Variants in NRXN1 observed in about 807,000 individuals in gnomAD.
The protein encoded by NRXN1 is neurexin-1.
A neutral mutation model predicts 150.9 loss-of-function variants in NRXN1; 39 were observed. That is an observed-to-expected ratio of 0.26 (90% CI 0.20 to 0.34). The LOEUF (loss-of-function observed/expected upper bound fraction) is 0.34, where lower values mean the gene tolerates loss of function less well. Ranked by LOEUF, NRXN1 falls within the 10% of genes least tolerant of loss-of-function variation. The pLI is 1.00. For missense variants in NRXN1, 1,815 were observed against 1,949.9 expected (o/e 0.93, Z 1.30); for synonymous variants, 924 against 757.0 (o/e 1.22, Z -3.62).
chr2:51,022,313 A>G (rs1163512250), intron 2 of NRXN1, among the ~76,000 whole-genome samples: 1 of 152,072 alleles, frequency 6.6e-6, no homozygotes, highest in Non-Finnish European at 1.5e-5. Flanking sequence ...TCTCATCCCA[A>G]TTTCACAGAT....
chr2:50,182,647 A>AGG, intron 18 of NRXN1, among the ~76,000 whole-genome samples: 1 of 152,162 alleles, frequency 6.6e-6, no homozygotes, highest in Admixed American at 6.6e-5. Flanking sequence ...AAACCTGCTC[A>AGG]TTCCTTCTTC....
chr2:50,888,129 A>G (rs1294858007), intron 5 of NRXN1, among the ~76,000 whole-genome samples: 4 of 151,604 alleles, frequency 2.6e-5, no homozygotes, highest in East Asian at 1.9e-4. Context: ...GAAATGACAG[A>G]CAATTCTTAA....
chr2:50,480,010 A>G (rs2090340054), intron 15 of NRXN1, among the ~76,000 whole-genome samples: 2 of 151,826 alleles, frequency 1.3e-5, no homozygotes, highest in African/African-American at 4.8e-5. Flanking sequence ...CTGACCTCAG[A>G]TATCCGCCCG....
chr2:50,726,642 C>T (rs1697394113), intron 5 of NRXN1, among the ~76,000 whole-genome samples: 1 of 151,926 alleles, frequency 6.6e-6, no homozygotes, highest in Non-Finnish European at 1.5e-5. Flanking sequence ...ACAATTTGCC[C>T]AACGTTACAA....
intron 18 of NRXN1, among the ~76,000 whole-genome samples, chr2:50,155,760 G>A (rs972329916): frequency 3.3e-5 from 5 of 151,486 alleles, no homozygotes; most frequent in African/African-American, 1.2e-4. Flanking sequence ...AGTAAGAGAT[G>A]CATAAAATAA....
chr2:50,904,122 T>C (rs911334208), intron 5 of NRXN1, among the ~76,000 whole-genome samples: 8 of 152,142 alleles, frequency 5.3e-5, no homozygotes, highest in African/African-American at 1.9e-4. Context: ...CAGTAAGGCA[T>C]GACCTGAAAT....
At chr2:50,239,695 T>TATTTATGACAGAA in intron 17 of NRXN1, among the ~76,000 whole-genome samples, 1 of 113,576 alleles carries the variant, frequency 8.8e-6, no homozygotes, top group African/African-American at 3.8e-5. Flanking sequence ...TATATATATA[T>TATTTATGACAGAA]ATATATATAT....
At chr2:50,064,559 C>A (rs922215363) in intron 19 of NRXN1, among the ~76,000 whole-genome samples, 3 of 151,884 alleles carry the variant, frequency 2.0e-5, no homozygotes, top group African/African-American at 7.3e-5. Flanking sequence ...ACTTGATGAA[C>A]CTTCAAAATA....
chr2:49,974,045 T>C (rs1331693506), intron 21 of NRXN1: 1 of 717,416 alleles, frequency 1.4e-6, no homozygotes, highest in Non-Finnish European at 2.6e-6. Context: ...TTCTTAATTC[T>C]TAATGGAAAT....
At chr2:50,683,648 T>TAA in intron 5 of NRXN1, among the ~76,000 whole-genome samples, 1 of 18,834 alleles carries the variant, frequency 5.3e-5, no homozygotes, top group Non-Finnish European at 9.7e-5. Flanking sequence ...AAAAAAAAAA[T>TAA]ATATATATAT....
chr2:50,831,613 C>A (rs562995812), intron 5 of NRXN1, among the ~76,000 whole-genome samples: 9 of 152,284 alleles, frequency 5.9e-5, no homozygotes, highest in Admixed American at 5.2e-4. Flanking sequence ...GATATGTACA[C>A]ATTTCTGTCT....
chr2:50,412,550 CT>C (rs11297449), intron 17 of NRXN1, among the ~76,000 whole-genome samples: 35,886 of 151,076 alleles, frequency 0.24, 4,570 homozygotes, highest in East Asian at 0.43. Context: ...TAATGTTTTG[CT>C]TTTTTTTCAC....
At chr2:50,439,838 A>C (rs1267883303) in intron 17 of NRXN1, among the ~76,000 whole-genome samples, 1 of 151,812 alleles carries the variant, frequency 6.6e-6, no homozygotes, top group Non-Finnish European at 1.5e-5. Flanking sequence ...AAAGAAAAGA[A>C]AGATTACTGA....
intron 2 of NRXN1, among the ~76,000 whole-genome samples, chr2:50,987,260 T>A (rs989020848): frequency 1.8e-4 from 27 of 151,924 alleles, no homozygotes; most frequent in African/African-American, 6.5e-4. Flanking sequence ...GTTAGTACAA[T>A]AATTCAATAT....
rs13012114 is a variant in NRXN1, at chr2:50,399,790, A to T, written c.3364+65652T>A. ...CCAGCTCTGTAACGAGAGAACTGGT[A>T]AAAAAAAAAAAAAAAAAAAAAAAAA... is the stretch of plus-strand genomic sequence containing the variant. On this transcript the variant is annotated intron_variant, in intron 17 of 22. Coordinates refer to ENST00000401669, the MANE Select transcript of NRXN1 (RefSeq NM_001330078.2). Among the ~76,000 whole-genome samples the T allele has an allele frequency of 6.2e-4, 3 of 4,842 alleles. No homozygotes were observed. The Admixed American group carries it at 6.7e-3, about 11-fold the overall frequency. 3.2% of individuals were successfully genotyped at this position (4,842 alleles called of 152,430 possible).
At chr2:50,735,870 T>A (rs771615247) in intron 5 of NRXN1, among the ~76,000 whole-genome samples, 1 of 152,176 alleles carries the variant, frequency 6.6e-6, no homozygotes, top group Non-Finnish European at 1.5e-5. Context: ...CTTTCCATTT[T>A]TACTACCTTC....
intron 18 of NRXN1, among the ~76,000 whole-genome samples, chr2:50,169,416 A>T (rs1291869689): frequency 6.6e-6 from 1 of 152,114 alleles, no homozygotes; most frequent in Admixed American, 6.6e-5. Flanking sequence ...TAAATAAAAA[A>T]ATATATGGAT....
chr2:50,468,183 T>C (rs1487168313), intron 16 of NRXN1, among the ~76,000 whole-genome samples: 2 of 151,532 alleles, frequency 1.3e-5, no homozygotes, highest in South Asian at 2.1e-4. Flanking sequence ...CAGATTTTGG[T>C]TTTTGTTTTT....
intron 5 of NRXN1, among the ~76,000 whole-genome samples, chr2:50,682,764 A>G (rs1281874895): frequency 6.6e-6 from 1 of 152,142 alleles, no homozygotes; most frequent in Non-Finnish European, 1.5e-5. Flanking sequence ...GTCACATTCT[A>G]AAGTCTAGGA....
Sources: allele counts gnomAD v4.1 joint callset (sites outside exome capture counted in the v4.1 genomes callset), GRCh38; gene constraint gnomAD v4.1.1; transcripts MANE v1.5; gene names NCBI Gene and HGNC (gene_info 2026-07-23, HGNC 2026-07-21).